RBFOX3: variants seen among roughly 807,000 people sequenced by gnomAD.
RBFOX3 encodes RNA binding protein fox-1 homolog 3.
A neutral mutation model predicts 48.7 loss-of-function variants in RBFOX3; 17 were observed. That is an observed-to-expected ratio of 0.35 (90% confidence interval 0.24 to 0.52). RBFOX3 has a LOEUF of 0.52. Among genes scored for constraint, RBFOX3 ranks in the 20% least tolerant of loss-of-function variants. The probability of loss-of-function intolerance (pLI) is 0.94; values close to 1 mark genes in which losing one functional copy is unlikely to be tolerated. For missense variants in RBFOX3, 382 were observed against 497.5 expected, an observed-to-expected ratio of 0.77 and a Z score of 2.21; for synonymous variants, 212 against 209.5, an observed-to-expected ratio of 1.01 and a Z score of -0.10.
chr17:79,091,010 C>A (rs1771078534), intron 14 of RBFOX3, 125 bp from the exon 15 acceptor site: 1 of 901,350 alleles, frequency 1.1e-6, no homozygotes, highest in Non-Finnish European at 1.7e-6. Context: ...CACCTGCCCC[C>A]CAGGTTTCCA....
chr17:79,244,684 G>C (rs2062875735), intron 3 of RBFOX3, among the ~76,000 whole-genome samples: 1 of 151,818 alleles, frequency 6.6e-6, no homozygotes, highest in Non-Finnish European at 1.5e-5. Flanking sequence ...TGTCACAGGT[G>C]CCCCTCCTAG....
Position 79,421,312 on chromosome 17 carries a change from C to A in RBFOX3, c.-175+61142G>T, listed in dbSNP as rs184239657. Among the ~76,000 whole-genome samples the A allele has an allele frequency of 1.1e-4, 16 of 152,310 alleles. No individual in the cohort carries two copies. Among genetic ancestry groups the A allele is most frequent in the African/African-American group, 3.4e-4 (14 of 41,568 alleles). ...CGAGGTCCTCTAGCAAACAACCGGG[C>A]CTGAGAGTGGTTCTGGAAGCCTCTA... On this transcript the variant is annotated intron_variant, in intron 2 of 14. Coordinates refer to ENST00000693108, the MANE Select transcript of RBFOX3 (RefSeq NM_001350451.2). This position sits in a 1 kb window ranked among gnomAD's most constrained non-coding sequence, Gnocchi z 4.5.
chr17:79,536,609 G>A (rs542410350), intron 1 of RBFOX3, among the ~76,000 whole-genome samples: 2 of 148,264 alleles, frequency 1.3e-5, no homozygotes, highest in African/African-American at 5.0e-5. Context: ...CCTTGGCCAC[G>A]GGTGTTTTCC....
rs1171636330 is a variant in RBFOX3, at chr17:79,243,088, T to G, written c.-73-7283A>C. Among the ~76,000 whole-genome samples, 2 of 152,150 alleles carry G rather than the reference T, an allele frequency of 1.3e-5. No homozygotes were observed. Among genetic ancestry groups the G allele is most frequent in the Non-Finnish European group, 2.9e-5 (2 of 68,008 alleles). On this transcript the variant is annotated intron_variant, in intron 3 of 14. Coordinates refer to ENST00000693108, the MANE Select transcript of RBFOX3 (RefSeq NM_001350451.2). This position sits in a 1 kb window ranked among gnomAD's most constrained non-coding sequence, Gnocchi z 7.9. ...TGTCATTTCAGCTTTACAACCACCC[T>G]AGGGGGCAGGTACTATGATCACTTC... is the stretch of plus-strand genomic sequence containing the variant.
intron 2 of RBFOX3, among the ~76,000 whole-genome samples, chr17:79,425,764 TG>T (rs1487891419): frequency 1.4e-5 from 2 of 147,786 alleles, no homozygotes; most frequent in African/African-American, 2.5e-5. Context: ...AGCGGGAGAT[TG>T]GGGGCCCGGG....
chr17:79,546,096 T>G (rs1221419391), intron 1 of RBFOX3, among the ~76,000 whole-genome samples: 1 of 152,236 alleles, frequency 6.6e-6, no homozygotes, highest in Non-Finnish European at 1.5e-5. Flanking sequence ...TAATCTTCAA[T>G]GGCTATAGGT....
Position 79,149,124 on chromosome 17 carries a change from G to C in RBFOX3, c.-33-33376C>G, listed in dbSNP as rs62062317. On this transcript the variant is annotated intron_variant, in intron 4 of 14. Coordinates refer to ENST00000693108, the MANE Select transcript of RBFOX3 (RefSeq NM_001350451.2). ...GATCCTCCAGGGCATGGAGGCTCCC[G>C]CAGCACCCAGGCTGGGACCCCCGCT... Among the ~76,000 whole-genome samples the C allele has an allele frequency of 1.1e-4, 17 of 152,314 alleles. No individual in the cohort carries two copies. In the East Asian group the frequency reaches 3.3e-3, roughly 29 times the overall value.
At position 79,195,561 on chromosome 17, in the gene RBFOX3, A is replaced by G. The variant is rs1252011620; in HGVS notation, c.-34+40205T>C. Among the ~76,000 whole-genome samples the G allele has an allele frequency of 6.6e-6, 1 of 152,220 alleles. No individual in the cohort carries two copies. The highest frequency in any genetic ancestry group is 1.5e-5 in the Non-Finnish European group (1 of 68,038). On this transcript the variant is annotated intron_variant, in intron 4 of 14. Coordinates refer to ENST00000693108, the MANE Select transcript of RBFOX3 (RefSeq NM_001350451.2). This position sits in a 1 kb window ranked among gnomAD's most constrained non-coding sequence, Gnocchi z 5.3. The stretch of plus-strand genomic sequence containing the variant: ...AAAAGGGTCTGCTCCATTTCAGTCT[A>G]CGTTTCTTGGTTTCTGTCTGCTCTA...
At position 79,111,648 on chromosome 17, in the gene RBFOX3, T is replaced by C. The variant is rs1283572165; in HGVS notation, c.222+3846A>G. On this transcript the variant is annotated intron_variant, in intron 5 of 14. Transcript: ENST00000693108. The surrounding 1 kb of genome is among the most constrained non-coding windows in gnomAD (Gnocchi z 4.2). ...CAGGGTTCCACCATCTTGGCCAGGC[T>C]GGTCTGGAAGTCCTGACTTCGTGAT... is the stretch of plus-strand genomic sequence containing the variant. Among the ~76,000 whole-genome samples the C allele has an allele frequency of 6.6e-6, 1 of 152,210 alleles. No homozygotes were observed. The highest frequency in any genetic ancestry group is 1.5e-5 in the Non-Finnish European group (1 of 68,040).
chr17:79,506,869 C>T (rs1248950300), intron 1 of RBFOX3, among the ~76,000 whole-genome samples: 1 of 152,208 alleles, frequency 6.6e-6, no homozygotes, highest in Non-Finnish European at 1.5e-5. Flanking sequence ...TCTCCAGTGC[C>T]CCCACGATCC....
intron 2 of RBFOX3, among the ~76,000 whole-genome samples, chr17:79,329,663 T>C (rs953860176): frequency 6.6e-6 from 1 of 152,108 alleles, no homozygotes; most frequent in South Asian, 2.1e-4. Context: ...AGGGAAGCTG[T>C]AGGCCCCCCA....
intron 4 of RBFOX3, among the ~76,000 whole-genome samples, chr17:79,180,664 G>A (rs1013721091): frequency 1.3e-5 from 2 of 151,904 alleles, no homozygotes; most frequent in African/African-American, 2.4e-5. Flanking sequence ...ACTAAATGTC[G>A]TTATTTGTTT....
chr17:79,584,773 AT>A (rs1199720706), intron 1 of RBFOX3, among the ~76,000 whole-genome samples: 72,282 of 127,634 alleles, frequency 0.57, 18,019 homozygotes, highest in South Asian at 0.72. Flanking sequence ...TTATTTATTT[AT>A]TTTTTTTTTG....
chr17:79,244,151 T>C lies in RBFOX3; in HGVS notation c.-73-8346A>G, dbSNP rs141597229. Among the ~76,000 whole-genome samples the C allele has an allele frequency of 1.1e-3, 172 of 152,262 alleles. 1 individual carries two copies. Among genetic ancestry groups the C allele is most frequent in the African/African-American group, 4.0e-3 (166 of 41,558 alleles). On this transcript the variant is annotated intron_variant, in intron 3 of 14. Coordinates refer to ENST00000693108, the MANE Select transcript of RBFOX3 (RefSeq NM_001350451.2). Reference sequence around the variant, plus strand: ...AATGTAATTAGTGAAGATGAGGTCATAGTGGAACAGACTGGGCCCTACATC... The same window carrying C: ...AATGTAATTAGTGAAGATGAGGTCACAGTGGAACAGACTGGGCCCTACATC...
At chr17:79,153,896 A>G (rs938888199) in intron 4 of RBFOX3, among the ~76,000 whole-genome samples, 1 of 152,010 alleles carries the variant, frequency 6.6e-6, no homozygotes, top group African/African-American at 2.4e-5. Context: ...TCCAGCCCCC[A>G]TGATCCATTC....
chr17:79,634,427 C>T, the RBFOX3 span, among the ~76,000 whole-genome samples: 4 of 152,210 alleles, frequency 2.6e-5, no homozygotes, highest in South Asian at 2.1e-4. Context: ...AAAACCCACA[C>T]CCAAAGTGGG....
At chr17:79,146,297 C>T (rs996281327) in intron 4 of RBFOX3, among the ~76,000 whole-genome samples, 12 of 152,172 alleles carry the variant, frequency 7.9e-5, no homozygotes, top group Middle Eastern at 3.2e-3. Flanking sequence ...CTCCTACAGA[C>T]GCCCATCAGA....
chr17:79,641,465 T>C, the RBFOX3 span, among the ~76,000 whole-genome samples: 1 of 152,254 alleles, frequency 6.6e-6, no homozygotes, highest in South Asian at 2.1e-4. Flanking sequence ...TCAAAGAAAA[T>C]GAAATCAGTT....
the RBFOX3 span, among the ~76,000 whole-genome samples, chr17:79,616,786 T>C: frequency 3.9e-5 from 6 of 152,218 alleles, no homozygotes; most frequent in Admixed American, 6.5e-5. Context: ...GCCCCACTAC[T>C]GTTTCACGAA....
Sources: gnomAD v4.1 joint callset for allele counts (sites outside exome capture counted in the v4.1 genomes callset) on GRCh38, gnomAD v4.1.1 for gene constraint, Gnocchi (gnomAD v3.1) non-coding constraint, MANE v1.5 for transcripts, NCBI Gene and HGNC (gene_info 2026-07-23, HGNC 2026-07-21) for gene names.